Variants in TBC1D22A observed in about 807,000 individuals in gnomAD.
The protein encoded by TBC1D22A is putative GTPase activator.
TBC1D22A carries 38 observed loss-of-function variants against 60.2 expected under a neutral mutation model. That is an observed-to-expected ratio of 0.63 (90% CI 0.49 to 0.83). The LOEUF is 0.83. Among genes scored for constraint, TBC1D22A ranks in the 40% least tolerant of loss-of-function variants. TBC1D22A has a pLI of 0.00. For synonymous variants in TBC1D22A, 302 were observed against 281.7 expected, an observed-to-expected ratio of 1.07 and a Z score of -0.72; for missense variants, 628 against 701.0, an observed-to-expected ratio of 0.90 and a Z score of 1.18.
intron 11 of TBC1D22A, among the ~76,000 whole-genome samples, chr22:47,107,385 C>T (rs1453427910): frequency 6.6e-6 from 1 of 152,118 alleles, no homozygotes; most frequent in Non-Finnish European, 1.5e-5. Flanking sequence ...AAACCCAGTG[C>T]TGTGCTAGTT....
At chr22:46,965,772 T>C (rs1308891329) in intron 8 of TBC1D22A, among the ~76,000 whole-genome samples, 3 of 152,222 alleles carry the variant, frequency 2.0e-5, no homozygotes, top group Admixed American at 6.5e-5. Flanking sequence ...GGTTTCGTGA[T>C]GGTGCAGTCA....
chr22:46,904,138 T>TCTGCCTACCTAC (rs1481229542), intron 7 of TBC1D22A, among the ~76,000 whole-genome samples: 136 of 55,328 alleles, frequency 2.5e-3, no homozygotes, highest in Admixed American at 6.0e-3. Context: ...TATCTATCTA[T>TCTGCCTACCTAC]CTATCTACCT....
At chr22:46,908,822 C>T (rs564237156) in intron 7 of TBC1D22A, among the ~76,000 whole-genome samples, 23 of 152,212 alleles carry the variant, frequency 1.5e-4, no homozygotes, top group South Asian at 6.2e-4. Context: ...CACCTCCTGC[C>T]GTGCCTGTTT....
At chr22:46,961,876 A>G (rs2073524434) in intron 8 of TBC1D22A, among the ~76,000 whole-genome samples, 1 of 152,140 alleles carries the variant, frequency 6.6e-6, no homozygotes, top group Non-Finnish European at 1.5e-5. Context: ...AGCAGAGAGT[A>G]TTGTGTGGGT....
rs537668250 is a variant in TBC1D22A at position 47,077,539 on chromosome 22, T to TC, written c.1330-33968dup. Among the ~76,000 whole-genome samples the TC allele has an allele frequency of 3.8e-4, 58 of 152,326 alleles. 1 individual carries two copies. The South Asian group carries it at 0.012, about 30-fold the overall frequency. On this transcript the variant is annotated intron_variant, in intron 11 of 12. Transcript: ENST00000337137. The stretch of plus-strand genomic sequence containing the variant: ...GCTGGGGGGTCTGAAAGGTCTGTGT[T>TC]CAAGTTCCGGCTCTATGCCCGGTGA...
At chr22:46,976,839 G>A (rs1448849366) in intron 9 of TBC1D22A, among the ~76,000 whole-genome samples, 1 of 152,128 alleles carries the variant, frequency 6.6e-6, no homozygotes, top group Admixed American at 6.5e-5. Flanking sequence ...AGCCGTCCAC[G>A]CCGTTGCTGC....
At chr22:47,154,706 A>T (rs2067643116) in intron 12 of TBC1D22A, among the ~76,000 whole-genome samples, 1 of 152,220 alleles carries the variant, frequency 6.6e-6, no homozygotes, top group South Asian at 2.1e-4. Context: ...GCAGGGAGTG[A>T]TGGCGGCTGC....
At chr22:46,991,796 T>C (rs1313712550) in intron 9 of TBC1D22A, among the ~76,000 whole-genome samples, 2 of 152,200 alleles carry the variant, frequency 1.3e-5, no homozygotes, top group East Asian at 3.8e-4. Flanking sequence ...GGTCTCCTCT[T>C]GCCTCAGCCG....
At chr22:46,870,497 A>T (rs527549069) in intron 4 of TBC1D22A, among the ~76,000 whole-genome samples, 80 of 152,274 alleles carry the variant, frequency 5.3e-4, no homozygotes, top group African/African-American at 1.8e-3. Flanking sequence ...TTTTTTGTAC[A>T]TTTTAGTTTT....
chr22:47,168,733 TGTCACC>T (rs138666077), intron 12 of TBC1D22A, among the ~76,000 whole-genome samples: 15,552 of 134,196 alleles, frequency 0.12, 1,053 homozygotes, highest in Non-Finnish European at 0.16. Flanking sequence ...GACACGGGCT[TGTCACC>T]GTCTCACCCT....
At chr22:46,947,844 G>A (rs903749400) in intron 8 of TBC1D22A, among the ~76,000 whole-genome samples, 5 of 152,204 alleles carry the variant, frequency 3.3e-5, no homozygotes, top group Admixed American at 2.0e-4. Flanking sequence ...TGTTCTTTCT[G>A]AGGATTCTGT....
chr22:47,018,449 G>A (rs2061974578), intron 10 of TBC1D22A, among the ~76,000 whole-genome samples: 1 of 152,188 alleles, frequency 6.6e-6, no homozygotes, highest in Non-Finnish European at 1.5e-5. Context: ...TGGCTAGACT[G>A]CTTTTAATTT....
intron 11 of TBC1D22A, among the ~76,000 whole-genome samples, chr22:47,093,059 C>A (rs932243506): frequency 6.6e-6 from 1 of 152,208 alleles, no homozygotes; most frequent in Non-Finnish European, 1.5e-5. Flanking sequence ...ATCCTTCTTG[C>A]AACTTAGTGG....
At chr22:46,863,507 G>A (rs1017913462) in intron 4 of TBC1D22A, among the ~76,000 whole-genome samples, 1 of 152,146 alleles carries the variant, frequency 6.6e-6, no homozygotes, top group African/African-American at 2.4e-5. Context: ...GGCTGGCTGG[G>A]TTCTGACTGG....
At chr22:47,031,926 G>C (rs934605759) in intron 10 of TBC1D22A, among the ~76,000 whole-genome samples, 1 of 152,192 alleles carries the variant, frequency 6.6e-6, no homozygotes, top group Non-Finnish European at 1.5e-5. Context: ...CCCTGCAAGT[G>C]GGGCAGGAAG....
intron 7 of TBC1D22A, among the ~76,000 whole-genome samples, chr22:46,896,388 A>C (rs918522810): frequency 1.3e-5 from 2 of 152,110 alleles, no homozygotes; most frequent in Non-Finnish European, 2.9e-5. Context: ...ACAGTCTTTT[A>C]AGGTGAGCAC....
chr22:46,975,917 G>T (rs753730699), intron 9 of TBC1D22A, among the ~76,000 whole-genome samples: 1 of 152,178 alleles, frequency 6.6e-6, no homozygotes, highest in Non-Finnish European at 1.5e-5. Flanking sequence ...CAGACTCCTC[G>T]TGACTTACTT....
chr22:47,161,812 C>T (rs1315056283), intron 12 of TBC1D22A, among the ~76,000 whole-genome samples: 5 of 152,246 alleles, frequency 3.3e-5, no homozygotes, highest in South Asian at 2.1e-4. Flanking sequence ...CTCTAGCGTC[C>T]GCGAATACCC....
At chr22:47,129,813 C>T (rs964544769) in intron 12 of TBC1D22A, among the ~76,000 whole-genome samples, 6 of 152,276 alleles carry the variant, frequency 3.9e-5, no homozygotes. Context: ...ATCCCAGCCT[C>T]CTCACACCGC....
Sources: gnomAD v4.1 joint callset for allele counts (sites outside exome capture counted in the v4.1 genomes callset) on GRCh38, gnomAD v4.1.1 for gene constraint, MANE v1.5 for transcripts, NCBI Gene and HGNC (gene_info 2026-07-23, HGNC 2026-07-21) for gene names.